SV2C: variants seen among roughly 807,000 people sequenced by gnomAD.
SV2C encodes synaptic vesicle glycoprotein 2C.
In SV2C, 49 loss-of-function variants were observed where a neutral mutation model predicts 79.7. That is an observed-to-expected ratio of 0.61 (90% CI 0.49 to 0.78). SV2C has a LOEUF of 0.78. Among genes scored for constraint, SV2C ranks in the 30% least tolerant of loss-of-function variants. The probability of loss-of-function intolerance (pLI) is 0.00; values close to 1 mark genes in which losing one functional copy is unlikely to be tolerated. For synonymous variants in SV2C, 334 were observed against 333.2 expected (o/e 1.00, Z -0.03); for missense variants, 833 against 912.9 (o/e 0.91, Z 1.13).
the SV2C span, chr5:75,910,296 TCA>T: frequency 1.9e-6 from 1 of 521,150 alleles, no homozygotes; most frequent in Admixed American, 2.1e-5. Flanking sequence ...TCCATGGTCC[TCA>T]CACCCTGGTC....
intron 1 of SV2C, among the ~76,000 whole-genome samples, chr5:76,102,417 C>T (rs1454125436): frequency 3.3e-5 from 5 of 152,144 alleles, no homozygotes; most frequent in South Asian, 2.1e-4. Context: ...CCACCTTAGG[C>T]ACCCTTCCAA....
chr5:75,910,858 C>A, the SV2C span: 1 of 1,155,240 alleles, frequency 8.7e-7, no homozygotes. Context: ...GCAAGCTGAA[C>A]TGCAATCTCT....
At chr5:76,146,436 G>A (rs2112219270) in intron 2 of SV2C, among the ~76,000 whole-genome samples, 1 of 152,300 alleles carries the variant, frequency 6.6e-6, no homozygotes, top group East Asian at 1.9e-4. Flanking sequence ...AGACCATATA[G>A]GGAAACTTCC....
At chr5:76,255,768 G>T (rs1746243182) in intron 4 of SV2C, among the ~76,000 whole-genome samples, 1 of 152,134 alleles carries the variant, frequency 6.6e-6, no homozygotes, top group African/African-American at 2.4e-5. Flanking sequence ...GTTCTGCTGA[G>T]CCACTGGGCC....
chr5:75,903,831 C>T, the SV2C span, among the ~76,000 whole-genome samples: 1 of 152,194 alleles, frequency 6.6e-6, no homozygotes, highest in Non-Finnish European at 1.5e-5. Context: ...TTCCTCATCA[C>T]CCAAATTATT....
chr5:75,873,672 C>T, the SV2C span, among the ~76,000 whole-genome samples: 9,419 of 152,044 alleles, frequency 0.062, 337 homozygotes, highest in Admixed American at 0.084. Flanking sequence ...GGAAACATTA[C>T]GTCTGTGATA....
intron 4 of SV2C, among the ~76,000 whole-genome samples, chr5:76,221,779 GTGAATCTGAGCCTTAC>G (rs1177357331): frequency 6.6e-6 from 1 of 152,112 alleles, no homozygotes; most frequent in Non-Finnish European, 1.5e-5. Context: ...CAAACCAAAT[GTGAATCTGAGCCTTAC>G]CAGCAGACTA....
intron 4 of SV2C, among the ~76,000 whole-genome samples, chr5:76,224,064 GC>G (rs1310970569): frequency 1.3e-5 from 2 of 152,112 alleles, no homozygotes; most frequent in East Asian, 3.9e-4. Flanking sequence ...GGGGGTTAGA[GC>G]TTCCACAATG....
At chr5:76,268,601 A>G (rs1334425384) in intron 4 of SV2C, among the ~76,000 whole-genome samples, 2 of 152,190 alleles carry the variant, frequency 1.3e-5, no homozygotes, top group East Asian at 3.9e-4. Flanking sequence ...TCCCATTTTT[A>G]TGAGACAAGA....
the SV2C span, among the ~76,000 whole-genome samples, chr5:76,063,314 G>A: frequency 8.2e-3 from 1,251 of 152,150 alleles, 23 homozygotes; most frequent in African/African-American, 0.029. Flanking sequence ...TTTTCCTTGC[G>A]GCAAATACGT....
chr5:75,888,563 A>G, the SV2C span, among the ~76,000 whole-genome samples: 3 of 152,118 alleles, frequency 2.0e-5, no homozygotes, highest in Non-Finnish European at 2.9e-5. Context: ...TCGCTGCCAC[A>G]TGGCTGTCTC....
At chr5:75,974,948 A>C in the SV2C span, among the ~76,000 whole-genome samples, 55 of 152,270 alleles carry the variant, frequency 3.6e-4, no homozygotes, top group Non-Finnish European at 7.1e-4. Flanking sequence ...GCAGGCAAGC[A>C]ACAGAGGCAA....
chr5:75,939,523 G>C, the SV2C span, among the ~76,000 whole-genome samples: 2 of 152,026 alleles, frequency 1.3e-5, no homozygotes, highest in Non-Finnish European at 2.9e-5. Flanking sequence ...TTCAAAATAT[G>C]AATTTTTTTG....
chr5:76,015,555 T>C, the SV2C span, among the ~76,000 whole-genome samples: 3 of 152,124 alleles, frequency 2.0e-5, no homozygotes, highest in East Asian at 5.8e-4. Flanking sequence ...ATCTGATTCT[T>C]AGAAATAATC....
At chr5:76,030,547 C>T in the SV2C span, among the ~76,000 whole-genome samples, 2 of 151,894 alleles carry the variant, frequency 1.3e-5, no homozygotes, top group Non-Finnish European at 2.9e-5. Context: ...CTAATAGTGA[C>T]GTCATCTGTA....
chr5:75,999,228 T>C, the SV2C span, among the ~76,000 whole-genome samples: 1 of 151,978 alleles, frequency 6.6e-6, no homozygotes, highest in Non-Finnish European at 1.5e-5. Context: ...GAGATTTGGG[T>C]GGGGACACAG....
At chr5:76,120,430 A>G (rs1234827867) in intron 1 of SV2C, among the ~76,000 whole-genome samples, 1 of 149,432 alleles carries the variant, frequency 6.7e-6, no homozygotes, top group African/African-American at 2.5e-5. Flanking sequence ...GGTTAGTTAC[A>G]TATGTATACA....
the SV2C span, among the ~76,000 whole-genome samples, chr5:75,896,741 G>C: frequency 0.2 from 28,537 of 144,404 alleles, 5,645 homozygotes; most frequent in African/African-American, 0.52. Context: ...TGTTTCCTGA[G>C]TTTTTAATGA....
At chr5:76,194,478 T>C (rs1310199967) in intron 2 of SV2C, among the ~76,000 whole-genome samples, 2 of 152,136 alleles carry the variant, frequency 1.3e-5, no homozygotes, top group Non-Finnish European at 2.9e-5. Context: ...ACACACTGGG[T>C]CTCATGACAG....
Sources: allele counts gnomAD v4.1 joint callset (sites outside exome capture counted in the v4.1 genomes callset), GRCh38; gene constraint gnomAD v4.1.1; transcripts MANE v1.5; gene names NCBI Gene and HGNC (gene_info 2026-07-23, HGNC 2026-07-21).